Variants in STX7 observed in about 807,000 individuals in gnomAD.
STX7 encodes syntaxin-7.
A neutral mutation model predicts 39.6 loss-of-function variants in STX7; 34 were observed. The observed-to-expected ratio is 0.86, with a 90% CI of 0.65 to 1.14. The LOEUF (loss-of-function observed/expected upper bound fraction) is 1.14, where lower values mean the gene tolerates loss of function less well. STX7 is among the 50% of genes most tolerant of loss of function. The pLI is 0.00. For synonymous variants in STX7, 119 were observed against 99.1 expected, an observed-to-expected ratio of 1.20 and a Z score of -1.19; for missense variants, 284 against 310.4, an observed-to-expected ratio of 0.92 and a Z score of 0.64.
At position 132,455,366 on chromosome 6, in the gene STX7, A is replaced by G. The variant is rs1291047280; in HGVS notation, c.*5392T>C. The G allele has an allele frequency of 6.6e-6, 1 of 152,194 alleles. No individual in the cohort carries two copies. Among genetic ancestry groups the G allele is most frequent in the Non-Finnish European group, 1.5e-5 (1 of 68,016 alleles). The allele number at this position is 152,194 out of a possible 1,614,324, so 9.4% of individuals were successfully genotyped here. ...CATTTATAAGCTTTCTACCAATGCT[A>G]TTAGGTGTTGGAGTTAGTAACTACT... On this transcript the variant is annotated 3_prime_UTR_variant, in exon 10 of 10. Transcript: ENST00000367941.
intron 8 of STX7, 95 bp from the exon 9 acceptor site, chr6:132,464,170 G>A: frequency 5.7e-6 from 7 of 1,228,316 alleles, no homozygotes; most frequent in Non-Finnish European, 8.3e-6. Flanking sequence ...GATTAAATAT[G>A]GTCATTATTC....
intron 7 of STX7, among the ~76,000 whole-genome samples, chr6:132,469,371 T>A (rs375112582): frequency 1.3e-5 from 2 of 152,180 alleles, no homozygotes; most frequent in Non-Finnish European, 2.9e-5. Context: ...ATTTTCTCAA[T>A]ACTAAGGTGG....
intron 2 of STX7, among the ~76,000 whole-genome samples, chr6:132,489,548 A>G (rs1373364770): frequency 6.6e-6 from 1 of 152,202 alleles, no homozygotes; most frequent in Non-Finnish European, 1.5e-5. Context: ...TATGACCTGA[A>G]GAGAACACTT....
rs188110290 is a variant in STX7, at chr6:132,498,812, A to G, written c.85+4634T>C. 7.9e-5 allele frequency among the ~76,000 whole-genome samples: 12 copies of G among 152,310 alleles called. 1 individual carries two copies. ...GCCCTTATCAGTACACATACTTGAC[A>G]GTAGTTAGATTTTTAACAATACTTT... is the stretch of plus-strand genomic sequence containing the variant. On this transcript the variant is annotated intron_variant, in intron 2 of 9. Coordinates refer to ENST00000367941, the MANE Select transcript of STX7 (RefSeq NM_003569.3).
chr6:132,482,783 T>A (rs560037562), intron 2 of STX7, among the ~76,000 whole-genome samples: 2 of 152,082 alleles, frequency 1.3e-5, no homozygotes, highest in Non-Finnish European at 2.9e-5. Flanking sequence ...CTGAAAGTGA[T>A]CAAGGAAGAA....
rs1347903666 is a variant in STX7, at chr6:132,449,685, T to G, written c.*11073A>C. ...TAAACCATTCATTATGTTATATATT[T>G]CAATAATTAAATTTCATACCTAAGT... On this transcript the variant is annotated 3_prime_UTR_variant, in exon 10 of 10. Transcript: ENST00000367941. 1 of 152,220 alleles carries G rather than the reference T, an allele frequency of 6.6e-6. No homozygotes were observed. Among genetic ancestry groups the G allele is most frequent in the Non-Finnish European group, 1.5e-5 (1 of 68,044 alleles). 9.4% of individuals were successfully genotyped at this position (152,220 alleles called of 1,614,324 possible). A position where few individuals can be genotyped will look rare whatever the true frequency, so the allele number is the denominator to read the frequency against.
At chr6:132,510,931 T>C (rs1327829032) in intron 1 of STX7, among the ~76,000 whole-genome samples, 1 of 152,206 alleles carries the variant, frequency 6.6e-6, no homozygotes, top group Non-Finnish European at 1.5e-5. Context: ...ATCCTTAAGA[T>C]TTCCATTTAG....
chr6:132,459,796 G>A lies in STX7; in HGVS notation c.*962C>T, dbSNP rs1416959918. ...AGGATGACACAAAATGGCACGCAAGGTAAACACTAAATTTTGTCAGGTGCT... is the reference window on the plus strand; with the variant it reads ...AGGATGACACAAAATGGCACGCAAGATAAACACTAAATTTTGTCAGGTGCT... On this transcript the variant is annotated 3_prime_UTR_variant, in exon 10 of 10. Coordinates refer to ENST00000367941, the MANE Select transcript of STX7 (RefSeq NM_003569.3). 1 of 152,110 alleles carries A rather than the reference G, an allele frequency of 6.6e-6. No homozygotes were observed. Among genetic ancestry groups the A allele is most frequent in the Non-Finnish European group, 1.5e-5 (1 of 68,020 alleles). The allele number at this position is 152,110 out of a possible 1,614,324, so 9.4% of individuals were successfully genotyped here. A position where few individuals can be genotyped will look rare whatever the true frequency, so the allele number is the denominator to read the frequency against.
At chr6:132,461,961 C>G in intron 9 of STX7, 1 of 1,123,376 alleles carries the variant, frequency 8.9e-7, no homozygotes, top group Non-Finnish European at 1.3e-6. Flanking sequence ...ACACTGAAAA[C>G]CATAAATAGT....
At chr6:132,481,705 A>G (rs1041218819) in intron 2 of STX7, among the ~76,000 whole-genome samples, 11 of 152,188 alleles carry the variant, frequency 7.2e-5, no homozygotes, top group Non-Finnish European at 1.3e-4. Context: ...GGCCCCCTAC[A>G]CTTATGCAGC....
chr6:132,488,569 GT>G (rs11343212), intron 2 of STX7, among the ~76,000 whole-genome samples: 3,567 of 151,902 alleles, frequency 0.023, 128 homozygotes, highest in African/African-American at 0.08. Flanking sequence ...GGAGTTCTCA[GT>G]TTTTTTTAAG....
intron 8 of STX7, among the ~76,000 whole-genome samples, chr6:132,466,288 A>C (rs1039968179): frequency 6.6e-6 from 1 of 152,042 alleles, no homozygotes; most frequent in Non-Finnish European, 1.5e-5. Flanking sequence ...ACTTTTTTTC[A>C]CTTCCCTTCT....
Position 132,464,093 on chromosome 6 carries a change from C to G in STX7, c.611-18G>C. 6.2e-7 allele frequency: 1 copy of G among 1,605,376 alleles called. No homozygotes were observed. The highest frequency in any genetic ancestry group is 8.5e-7 in the Non-Finnish European group (1 of 1,172,478). The stretch of plus-strand genomic sequence containing the variant: ...TATGCTATCTGTAAAATAAAACACA[C>G]ACACACAAATGTGTTAAACATGGAT... On this transcript the variant is annotated intron_variant, in intron 8 of 9. Transcript: ENST00000367941.
At chr6:132,507,237 G>C (rs1367226694) in intron 1 of STX7, among the ~76,000 whole-genome samples, 1 of 152,112 alleles carries the variant, frequency 6.6e-6, no homozygotes, top group Admixed American at 6.5e-5. Context: ...CAGACTTCAC[G>C]CTATGCAATA....
chr6:132,463,329 T>C (rs4361636), intron 9 of STX7, among the ~76,000 whole-genome samples: 34,089 of 152,208 alleles, frequency 0.22, 4,258 homozygotes, highest in East Asian at 0.54. Context: ...AGCCTGGCCT[T>C]ATCCAATTTG....
chr6:132,496,637 TA>T (rs1775425869), intron 2 of STX7, among the ~76,000 whole-genome samples: 1 of 152,162 alleles, frequency 6.6e-6, no homozygotes, highest in Admixed American at 6.5e-5. Flanking sequence ...TCGGGACTCT[TA>T]AAAAACTTTG....
intron 2 of STX7, among the ~76,000 whole-genome samples, chr6:132,485,197 C>A (rs1582665944): frequency 6.6e-6 from 1 of 152,164 alleles, no homozygotes; most frequent in South Asian, 2.1e-4. Context: ...TTCCTTCCCC[C>A]CTCCATCACC....
intron 2 of STX7, among the ~76,000 whole-genome samples, chr6:132,492,983 G>A (rs912179169): frequency 6.6e-6 from 1 of 152,134 alleles, no homozygotes; most frequent in African/African-American, 2.4e-5. Flanking sequence ...GCAGGCCTTG[G>A]CTGGATATCT....
At chr6:132,511,205 T>C (rs1775838895) in intron 1 of STX7, among the ~76,000 whole-genome samples, 1 of 152,162 alleles carries the variant, frequency 6.6e-6, no homozygotes, top group Admixed American at 6.5e-5. Context: ...AGCGTGAGGG[T>C]AAATATTACC....
Sources: allele counts gnomAD v4.1 joint callset (sites outside exome capture counted in the v4.1 genomes callset), GRCh38; gene constraint gnomAD v4.1.1; transcripts MANE v1.5; gene names NCBI Gene and HGNC (gene_info 2026-07-23, HGNC 2026-07-21).